The following PLXNA4 variants were observed in gnomAD, a reference collection of about 807,000 sequenced individuals.
PLXNA4 encodes plexin-A4.
In PLXNA4, 44 loss-of-function variants were observed where a neutral mutation model predicts 191.8. That is an observed-to-expected ratio of 0.23 (90% confidence interval 0.18 to 0.29). PLXNA4 has a LOEUF of 0.29. PLXNA4 is among the 10% of genes least tolerant of loss of function. The pLI is 1.00. For missense variants in PLXNA4, 1,800 were observed against 2,488.8 expected (o/e 0.72, Z 5.89); for synonymous variants, 1,082 against 1,009.5 (o/e 1.07, Z -1.36).
In PLXNA4 at chr7:132,150,298, AT is replaced by A. The variant is rs562396966; in HGVS notation, c.4661-1653del. On this transcript the variant is annotated intron_variant, in intron 25 of 31. Coordinates refer to ENST00000321063, the MANE Select transcript of PLXNA4 (RefSeq NM_020911.2). ...CTTCAGTTTTTTTGTTTTGTTTTTT[AT>A]TTTATGGAGGTATGCATGCATGCAC... 1.4e-4 allele frequency among the ~76,000 whole-genome samples: 21 copies of A among 151,956 alleles called. No homozygotes were observed. In the East Asian group the frequency reaches 4.1e-3, roughly 29 times the overall value.
intron 4 of PLXNA4, among the ~76,000 whole-genome samples, chr7:132,243,619 T>C (rs565525732): frequency 6.6e-6 from 1 of 152,306 alleles, no homozygotes; most frequent in Admixed American, 6.5e-5. Context: ...GCAAGAGCCC[T>C]CAGAGCTAGG....
intron 16 of PLXNA4, among the ~76,000 whole-genome samples, chr7:132,184,242 C>T (rs918206687): frequency 1.3e-5 from 2 of 152,232 alleles, no homozygotes; most frequent in Admixed American, 6.5e-5. Flanking sequence ...CTGAGCCAGG[C>T]AGGGCCCTGT....
chr7:132,293,877 C>T (rs1200918603), intron 4 of PLXNA4, among the ~76,000 whole-genome samples: 1 of 152,164 alleles, frequency 6.6e-6, no homozygotes, highest in Non-Finnish European at 1.5e-5. Flanking sequence ...ATAGGAGCAA[C>T]CAGAGCACCA....
At chr7:132,485,460 G>T (rs922458923) in intron 3 of PLXNA4, among the ~76,000 whole-genome samples, 1 of 152,126 alleles carries the variant, frequency 6.6e-6, no homozygotes, top group African/African-American at 2.4e-5. Flanking sequence ...AAAAATGATC[G>T]CTTAGTGAAA....
chr7:132,540,569 C>CTTTT (rs71915138), intron 1 of PLXNA4, among the ~76,000 whole-genome samples: 1,110 of 60,976 alleles, frequency 0.018, 299 homozygotes, highest in Middle Eastern at 0.075. Context: ...GTGGACCGTT[C>CTTTT]TTTTTTTTTT....
At chr7:132,162,360 G>T (rs1180145432) in intron 24 of PLXNA4, among the ~76,000 whole-genome samples, 1 of 152,172 alleles carries the variant, frequency 6.6e-6, no homozygotes, top group African/African-American at 2.4e-5. Context: ...CCACCTAAAT[G>T]GATACTGGTC....
At chr7:132,156,530 C>A (rs1795803493) in intron 25 of PLXNA4, among the ~76,000 whole-genome samples, 1 of 152,164 alleles carries the variant, frequency 6.6e-6, no homozygotes, top group Non-Finnish European at 1.5e-5. Context: ...AGGGGCTGGG[C>A]ATCAGGAGAG....
chr7:132,512,189 A>C (rs1443624781), intron 1 of PLXNA4, among the ~76,000 whole-genome samples: 1 of 152,172 alleles, frequency 6.6e-6, no homozygotes, highest in Non-Finnish European at 1.5e-5. Flanking sequence ...TCCGCCACCA[A>C]CTTTTCTGAG....
At chr7:132,409,081 A>G (rs930019050) in intron 3 of PLXNA4, among the ~76,000 whole-genome samples, 2 of 152,184 alleles carry the variant, frequency 1.3e-5, no homozygotes, top group African/African-American at 2.4e-5. Flanking sequence ...CTTCTAGAAG[A>G]TGCAGCTGTT....
At chr7:132,365,364 T>TGCATGCGCGC (rs1554424584) in intron 3 of PLXNA4, among the ~76,000 whole-genome samples, 6 of 147,320 alleles carry the variant, frequency 4.1e-5, no homozygotes, top group East Asian at 4.1e-4. Context: ...TGTGTGTGCG[T>TGCATGCGCGC]GCGCGCGCAT....
chr7:132,254,994 G>T (rs6966281), intron 4 of PLXNA4, among the ~76,000 whole-genome samples: 111,134 of 151,888 alleles, frequency 0.73, 41,986 homozygotes, highest in African/African-American at 0.93. Context: ...ATTCTCAGGG[G>T]GGGTGGCCTG....
At chr7:132,530,420 A>G (rs1427390164) in intron 1 of PLXNA4, among the ~76,000 whole-genome samples, 2 of 152,376 alleles carry the variant, frequency 1.3e-5, no homozygotes, top group East Asian at 3.9e-4. Flanking sequence ...ACAAACAGAT[A>G]AACCAGTTTG....
At chr7:132,182,767 G>T (rs1047783911) in intron 16 of PLXNA4, among the ~76,000 whole-genome samples, 1 of 152,162 alleles carries the variant, frequency 6.6e-6, no homozygotes, top group Non-Finnish European at 1.5e-5. Flanking sequence ...AATGCTTTTG[G>T]ACTCGGGTCT....
intron 3 of PLXNA4, among the ~76,000 whole-genome samples, chr7:132,460,411 T>G (rs1316778400): frequency 1.3e-5 from 2 of 151,968 alleles, no homozygotes; most frequent in East Asian, 3.9e-4. Flanking sequence ...TCTCTAAATA[T>G]TTTCAAAAAT....
At chr7:132,565,073 GC>G (rs1275404661) in intron 1 of PLXNA4, among the ~76,000 whole-genome samples, 2 of 152,192 alleles carry the variant, frequency 1.3e-5, no homozygotes, top group Non-Finnish European at 2.9e-5. Flanking sequence ...GTGATGTGAG[GC>G]CTAAGCTCAG....
intron 3 of PLXNA4, among the ~76,000 whole-genome samples, chr7:132,459,874 T>C (rs1479602563): frequency 6.6e-6 from 1 of 151,924 alleles, no homozygotes; most frequent in Non-Finnish European, 1.5e-5. Context: ...GTTGACTAAA[T>C]TGTGAAAATA....
chr7:132,604,583 T>C (rs932649778), intron 2 of PLXNA4, among the ~76,000 whole-genome samples: 6 of 152,164 alleles, frequency 3.9e-5, no homozygotes, highest in Non-Finnish European at 8.8e-5. Context: ...TCAACTTATG[T>C]AATATAAGAG....
Position 132,368,536 on chromosome 7 carries a change from T to C in PLXNA4, c.1372-70314A>G, listed in dbSNP as rs187783110. 6.6e-3 allele frequency among the ~76,000 whole-genome samples: 1,010 copies of C among 152,296 alleles called. 7 individuals carry two copies. The highest frequency in any genetic ancestry group is 0.037 in the Middle Eastern group (11 of 294). The stretch of plus-strand genomic sequence containing the variant: ...AGGAGGTGGGCTGTGGTCTCTCCTG[T>C]CACCCTCTGTCTGCCCAGGCTGACA... On this transcript the variant is annotated intron_variant, in intron 3 of 31. Transcript: ENST00000321063.
At chr7:132,227,173 C>T (rs1052289723) in intron 7 of PLXNA4, among the ~76,000 whole-genome samples, 1 of 152,220 alleles carries the variant, frequency 6.6e-6, no homozygotes, top group Admixed American at 6.5e-5. Flanking sequence ...TCCTGGCCTG[C>T]CCCTCCCCAC....
Sources: gnomAD v4.1 joint callset for allele counts (sites outside exome capture counted in the v4.1 genomes callset) on GRCh38, gnomAD v4.1.1 for gene constraint, MANE v1.5 for transcripts, NCBI Gene and HGNC (gene_info 2026-07-23, HGNC 2026-07-21) for gene names.